DPP10: variants seen among roughly 807,000 people sequenced by gnomAD.
DPP10 encodes the protein inactive dipeptidyl peptidase 10.
A neutral mutation model predicts 120.9 loss-of-function variants in DPP10; 33 were observed. The observed-to-expected ratio is 0.27, with a 90% CI of 0.21 to 0.37. The LOEUF (loss-of-function observed/expected upper bound fraction) is 0.37, where lower values mean the gene tolerates loss of function less well. DPP10 is among the 10% of genes least tolerant of loss of function. The probability of loss-of-function intolerance (pLI) is 1.00; values close to 1 mark genes in which losing one functional copy is unlikely to be tolerated. For missense variants in DPP10, 816 were observed against 942.8 expected (o/e 0.87, Z 1.76); for synonymous variants, 337 against 326.1 (o/e 1.03, Z -0.36).
rs1276768250 is a variant in DPP10, at chr2:115,837,674, A to G, written c.2182+928A>G. Among the ~76,000 whole-genome samples the G allele has an allele frequency of 2.0e-5, 3 of 152,166 alleles. No homozygotes were observed. In the East Asian group the frequency reaches 5.8e-4, roughly 29 times the overall value. ...GACAAGTCATGTTATTACTGTTATT[A>G]AATGCCCTTGATATGATGTAGTGGG... is the stretch of plus-strand genomic sequence containing the variant. On this transcript the variant is annotated intron_variant, in intron 24 of 25. Coordinates refer to ENST00000410059, the MANE Select transcript of DPP10 (RefSeq NM_020868.6).
intron 1 of DPP10, among the ~76,000 whole-genome samples, chr2:114,537,054 C>T (rs1686559233): frequency 6.6e-6 from 1 of 152,154 alleles, no homozygotes; most frequent in African/African-American, 2.4e-5. Context: ...TCATAGTGCT[C>T]ATTAAGGATA....
At chr2:115,419,627 T>C (rs2069754147) in intron 3 of DPP10, among the ~76,000 whole-genome samples, 1 of 152,082 alleles carries the variant, frequency 6.6e-6, no homozygotes, top group Non-Finnish European at 1.5e-5. Flanking sequence ...ATCCAACCAG[T>C]ATCAAATGCT....
intron 7 of DPP10, among the ~76,000 whole-genome samples, chr2:115,693,452 G>T (rs2091425935): frequency 1.3e-5 from 2 of 152,094 alleles, no homozygotes; most frequent in South Asian, 4.2e-4. Flanking sequence ...AGAAACCCAA[G>T]ACAACTCCAC....
intron 3 of DPP10, among the ~76,000 whole-genome samples, chr2:115,400,173 C>T (rs1199261964): frequency 1.3e-5 from 2 of 152,094 alleles, no homozygotes; most frequent in Admixed American, 6.6e-5. Context: ...CAATCACTTC[C>T]CACCACACGC....
chr2:114,914,068 G>A (rs1694590809), intron 1 of DPP10, among the ~76,000 whole-genome samples: 1 of 152,032 alleles, frequency 6.6e-6, no homozygotes, highest in Admixed American at 6.5e-5. Context: ...GGGAAATATG[G>A]GATTATGTAA....
chr2:115,314,540 G>A (rs940478134), intron 2 of DPP10, among the ~76,000 whole-genome samples: 4 of 152,174 alleles, frequency 2.6e-5, no homozygotes, highest in African/African-American at 7.2e-5. Context: ...AAGCATTGAT[G>A]TGGGAATCAT....
chr2:115,545,053 G>A (rs190530247), intron 5 of DPP10, among the ~76,000 whole-genome samples: 1 of 151,924 alleles, frequency 6.6e-6, no homozygotes, highest in East Asian at 1.9e-4. Context: ...ATTTATTACT[G>A]AGGCCCAAAA....
intron 21 of DPP10, among the ~76,000 whole-genome samples, chr2:115,825,584 C>T (rs1688225742): frequency 6.6e-6 from 1 of 152,144 alleles, no homozygotes; most frequent in African/African-American, 2.4e-5. Flanking sequence ...GATATCCAAA[C>T]TTTATCCTTT....
At chr2:115,826,699 C>A (rs187549738) in intron 21 of DPP10, among the ~76,000 whole-genome samples, 34 of 152,150 alleles carry the variant, frequency 2.2e-4, no homozygotes, top group Non-Finnish European at 1.5e-5. Flanking sequence ...CCAGCCTGGG[C>A]GACTTTATTT....
intron 1 of DPP10, among the ~76,000 whole-genome samples, chr2:114,986,669 A>C (rs1333245280): frequency 6.6e-6 from 1 of 152,274 alleles, no homozygotes; most frequent in Non-Finnish European, 1.5e-5. Flanking sequence ...ACAAATAAAT[A>C]GCATAATTAA....
At chr2:115,005,820 C>A (rs1028451268) in intron 1 of DPP10, among the ~76,000 whole-genome samples, 3 of 152,044 alleles carry the variant, frequency 2.0e-5, no homozygotes, top group African/African-American at 7.2e-5. Context: ...AGAATTTCCC[C>A]AATCTAGCAA....
intron 5 of DPP10, among the ~76,000 whole-genome samples, chr2:115,605,616 A>G (rs1280683743): frequency 1.3e-5 from 2 of 152,112 alleles, no homozygotes; most frequent in Non-Finnish European, 2.9e-5. Context: ...GAGAAAGCCA[A>G]CATGAGCAAA....
intron 11 of DPP10, among the ~76,000 whole-genome samples, chr2:115,758,098 A>G (rs1416991894): frequency 6.6e-6 from 1 of 152,144 alleles, no homozygotes; most frequent in Non-Finnish European, 1.5e-5. Context: ...GTATTTATAG[A>G]TAACATAACT....
chr2:115,124,821 A>T (rs1379162441), intron 1 of DPP10, among the ~76,000 whole-genome samples: 2 of 152,240 alleles, frequency 1.3e-5, no homozygotes, highest in Non-Finnish European at 2.9e-5. Context: ...AAATAGTTAC[A>T]GTTATAGAAT....
intron 1 of DPP10, among the ~76,000 whole-genome samples, chr2:115,286,520 AT>A (rs2060396480): frequency 2.3e-5 from 1 of 43,390 alleles, no homozygotes; most frequent in Non-Finnish European, 5.4e-5. Flanking sequence ...TATAATATAT[AT>A]ATATAATATA....
At chr2:114,966,316 G>T (rs1699028655) in intron 1 of DPP10, among the ~76,000 whole-genome samples, 1 of 152,160 alleles carries the variant, frequency 6.6e-6, no homozygotes, top group Non-Finnish European at 1.5e-5. Context: ...TTTCAGTCAT[G>T]GGGGCAGATC....
chr2:114,588,784 T>G (rs941934438), intron 1 of DPP10, among the ~76,000 whole-genome samples: 7 of 152,170 alleles, frequency 4.6e-5, no homozygotes, highest in African/African-American at 1.7e-4. Flanking sequence ...AGTGGTTGAG[T>G]GCAAATTGAA....
intron 1 of DPP10, among the ~76,000 whole-genome samples, chr2:114,597,877 C>T (rs1276622750): frequency 6.6e-6 from 1 of 151,906 alleles, no homozygotes; most frequent in Non-Finnish European, 1.5e-5. Flanking sequence ...CTTGATTCTC[C>T]TTTCCATTTC....
intron 1 of DPP10, among the ~76,000 whole-genome samples, chr2:115,117,588 A>G (rs1481256583): frequency 3.3e-5 from 5 of 152,318 alleles, no homozygotes; most frequent in Non-Finnish European, 7.4e-5. Context: ...CGCCTGGGTG[A>G]CAGTGTGAGA....
Sources: allele counts gnomAD v4.1 joint callset (sites outside exome capture counted in the v4.1 genomes callset), GRCh38; gene constraint gnomAD v4.1.1; transcripts MANE v1.5; gene names NCBI Gene and HGNC (gene_info 2026-07-23, HGNC 2026-07-21).